Variants in ZNF692 observed in about 807,000 individuals in gnomAD.
The protein encoded by ZNF692 is AICAR responsive element binding protein.
A neutral mutation model predicts 49.0 loss-of-function variants in ZNF692; 41 were observed. The ratio of observed to expected loss-of-function variants is 0.84; its 90% CI spans 0.65 to 1.08. The LOEUF (loss-of-function observed/expected upper bound fraction) is 1.08, where lower values mean the gene tolerates loss of function less well. Ranked by LOEUF, ZNF692 falls within the 50% of genes least tolerant of loss-of-function variation. The pLI is 0.00. For synonymous variants in ZNF692, 288 were observed against 251.5 expected, an observed-to-expected ratio of 1.15 and a Z score of -1.37; for missense variants, 662 against 662.2, an observed-to-expected ratio of 1.00 and a Z score of 0.00.
rs1041830836 is a variant in ZNF692 at position 248,853,149 on chromosome 1, C to G, written c.1153+788G>C. On this transcript the variant is annotated intron_variant, in intron 10 of 11. Transcript: ENST00000306601. The stretch of plus-strand genomic sequence containing the variant: ...CCAACCCATCCTTCCCACGGCAGCT[C>G]GTTTGGCTCCATCTGCACACACACT... Among the ~76,000 whole-genome samples the G allele has an allele frequency of 2.6e-5, 4 of 152,164 alleles. No individual in the cohort carries two copies. The South Asian group carries it at 8.3e-4, about 31-fold the overall frequency.
At chr1:248,852,794 T>C (rs1176422074) in intron 10 of ZNF692, among the ~76,000 whole-genome samples, 1 of 152,130 alleles carries the variant, frequency 6.6e-6, no homozygotes, top group African/African-American at 2.4e-5. Flanking sequence ...ACCACTCTCT[T>C]CATCTTCCTC....
chr1:248,858,431 C>T lies in ZNF692; in HGVS notation c.-12-110G>A. On this transcript the variant is annotated intron_variant, in intron 1 of 11. Transcript: ENST00000306601. This position sits in a 1 kb window ranked among gnomAD's most constrained non-coding sequence, Gnocchi z 4.3. The stretch of plus-strand genomic sequence containing the variant: ...TCCTCATCAGTGAACTGGGGCAAGA[C>T]TAAACTATTTCAATAGCAGTGGCAG... 1 of 1,551,296 alleles carries T rather than the reference C, an allele frequency of 6.4e-7. No individual in the cohort carries two copies. The highest frequency in any genetic ancestry group is 8.7e-7 in the Non-Finnish European group (1 of 1,146,602).
rs1211923238 is a variant in ZNF692 at position 248,856,514 on chromosome 1, C to G, written c.524G>C (p.Arg175Thr). ...DERTQEARLP[R>T]RVGPPPETFP... The stretch of plus-strand genomic sequence containing the variant: ...TTTTCTCTCCTATCCACATCCTCAC[C>G]TGGGCAACCTGGCCTCTTGAGTCCT... The change falls in exon 5 of 12, where the codon AGG becomes ACG. Residue 175 changes from arginine to threonine, a missense_variant and splice_region_variant. Coordinates refer to ENST00000306601, the MANE Select transcript of ZNF692 (RefSeq NM_017865.4). 1 of 1,614,232 alleles carries G rather than the reference C, an allele frequency of 6.2e-7. No homozygotes were observed. The highest frequency in any genetic ancestry group is 8.5e-7 in the Non-Finnish European group (1 of 1,180,052).
In ZNF692 at chr1:248,858,380, C is replaced by T; in HGVS notation, c.-12-59G>A. On this transcript the variant is annotated intron_variant, in intron 1 of 11. Coordinates refer to ENST00000306601, the MANE Select transcript of ZNF692 (RefSeq NM_017865.4). The surrounding 1 kb of genome is among the most constrained non-coding windows in gnomAD (Gnocchi z 4.3). ...CCGATCTCGGGGGTCGGGGACCCGG[C>T]TCCACCTGCCGTTAGGGCCTCAGTT... 2 of 1,531,856 alleles carry T rather than the reference C, an allele frequency of 1.3e-6. No homozygotes were observed. Among genetic ancestry groups the T allele is most frequent in the Non-Finnish European group, 1.8e-6 (2 of 1,133,836 alleles). The allele number at this position is 1,531,856 out of a possible 1,614,324, so 94.9% of individuals were successfully genotyped here.
Position 248,858,547 on chromosome 1 carries a change from G to T in ZNF692, c.-12-226C>A, listed in dbSNP as rs1234029397. On this transcript the variant is annotated intron_variant, in intron 1 of 11. Coordinates refer to ENST00000306601, the MANE Select transcript of ZNF692 (RefSeq NM_017865.4). This position sits in a 1 kb window ranked among gnomAD's most constrained non-coding sequence, Gnocchi z 4.3. ...TCGTCGGGTGGGAGGCAGGCAGACA[G>T]AAGCAGTCAGAACAAAGGCCTGCGC... 1.9e-6 allele frequency: 3 copies of T among 1,551,632 alleles called. No individual in the cohort carries two copies. In the African/African-American group the frequency reaches 4.1e-5, roughly 21 times the overall value.
At position 248,850,522 on chromosome 1, in the gene ZNF692, G is replaced by C. The variant is rs1659434552; in HGVS notation, c.1254-6C>G. The C allele has an allele frequency of 3.7e-6, 6 of 1,600,984 alleles. No individual in the cohort carries two copies. In the African/African-American group the frequency reaches 8.0e-5, roughly 21 times the overall value. ...TAAACCCGCATATCTCACACCTGGA[G>C]TCAGGGACAGAAGAGGGAAGGAACA... On this transcript the variant is annotated splice_polypyrimidine_tract_variant and splice_region_variant and intron_variant, in intron 11 of 11. Transcript: ENST00000306601.
chr1:248,858,244 C>T lies in ZNF692; in HGVS notation c.66G>A (p.Ala22=). The T allele has an allele frequency of 1.3e-6, 2 of 1,586,392 alleles. No individual in the cohort carries two copies. Among genetic ancestry groups the T allele is most frequent in the Non-Finnish European group, 1.7e-6 (2 of 1,166,408 alleles). ...GGCGGATGCGGCACTTGCTGCGGCG[C>T]GCGTCCAGCTGCCGCCGCTTCTCCC... ...RRREKRRQLD[A]RRSKCRIRLG... Residue 22 remains alanine (A), a synonymous_variant, in exon 2 of 12, where the codon GCG becomes GCA. Transcript: ENST00000306601. The surrounding 1 kb of genome is among the most constrained non-coding windows in gnomAD (Gnocchi z 4.3).
chr1:248,855,720 G>T lies in ZNF692; in HGVS notation c.881+5C>A. ...CTGCCCTTTCTGTCTCAGCCATCAG[G>T]TTACCTGGCCAGGGCCTCAGTCTGC... On this transcript the variant is annotated splice_donor_5th_base_variant and intron_variant, in intron 7 of 11. Transcript: ENST00000306601. The T allele has an allele frequency of 6.2e-7, 1 of 1,614,218 alleles. No individual in the cohort carries two copies. The highest frequency in any genetic ancestry group is 8.5e-7 in the Non-Finnish European group (1 of 1,180,044).
At chr1:248,850,933 C>T in intron 10 of ZNF692, 152 bp from the exon 11 acceptor site, 1 of 745,018 alleles carries the variant, frequency 1.3e-6, no homozygotes, top group Non-Finnish European at 2.4e-6. Context: ...TGGAGCCCGT[C>T]TGGACCTCCC....
rs1386164523 is a variant in ZNF692, at chr1:248,850,375, G to A, written c.1395C>T (p.Ala465=). Residue 465 remains alanine (A), a synonymous_variant, in exon 12 of 12, where the codon GCC becomes GCT. Transcript: ENST00000306601. ...KRFEKPDSVA[A]HRSKSHPALL... ...GGGCTGGGTGACTTTTGCTACGGTG[G>A]GCTGCAACACTGTCTGGCTTCTCAA... The A allele has an allele frequency of 2.5e-6, 4 of 1,614,116 alleles. No individual in the cohort carries two copies. Among genetic ancestry groups the A allele is most frequent in the Non-Finnish European group, 3.4e-6 (4 of 1,180,030 alleles).
At chr1:248,854,686 G>C (rs756935343) in intron 9 of ZNF692, among the ~76,000 whole-genome samples, 1 of 151,816 alleles carries the variant, frequency 6.6e-6, no homozygotes, top group Admixed American at 6.6e-5. Flanking sequence ...AAATTGCATG[G>C]GCTGTCCCCT....
Position 248,855,921 on chromosome 1 carries a change from G to A in ZNF692, c.685C>T (p.Leu229=), listed in dbSNP as rs1447469458. ...GGTGTGCAGGTGACAGGGGAAGGCA[G>A]TAGTCTGGGGGCATCAGGCTCACTA... is the stretch of plus-strand genomic sequence containing the variant. ...DDSEPDAPRL[L]PSPVTCTPKE... is the part of the protein sequence containing the mutation. Residue 229 remains leucine, a synonymous_variant, in exon 7 of 12, where the codon CTG becomes TTG. Coordinates refer to ENST00000306601, the MANE Select transcript of ZNF692 (RefSeq NM_017865.4). 8.7e-6 allele frequency: 14 copies of A among 1,613,988 alleles called. No individual in the cohort carries two copies. The highest frequency in any genetic ancestry group is 1.0e-5 in the Non-Finnish European group (12 of 1,180,032).
Position 248,850,583 on chromosome 1 carries a change from C to T in ZNF692, c.1254-67G>A, listed in dbSNP as rs1416857566. The T allele has an allele frequency of 3.1e-6, 5 of 1,592,456 alleles. No homozygotes were observed. In the Middle Eastern group the frequency reaches 6.1e-4, roughly 195 times the overall value. ...CCATCATGACTTCCCTAGGGGGTTC[C>T]TCCTGCTCCCCACTGCCTAGGTGTC... On this transcript the variant is annotated intron_variant, in intron 11 of 11. Transcript: ENST00000306601.
In ZNF692 at chr1:248,850,129, A is replaced by T. The variant is rs1452419750; in HGVS notation, c.*81T>A. 1 of 1,464,998 alleles carries T rather than the reference A, an allele frequency of 6.8e-7. No homozygotes were observed. 90.7% of individuals were successfully genotyped at this position (1,464,998 alleles called of 1,614,324 possible). On this transcript the variant is annotated 3_prime_UTR_variant, in exon 12 of 12. Coordinates refer to ENST00000306601, the MANE Select transcript of ZNF692 (RefSeq NM_017865.4). The stretch of plus-strand genomic sequence containing the variant: ...AGTTCCTGGGGACCAAGCATCTGGC[A>T]TTTCTCAAGCAGACCCTCTCCTTGT...
At position 248,858,786 on chromosome 1, in the gene ZNF692, AGGGCGCCCCCCATCCACCCCGTCTT is replaced by A. The variant is rs1202584344; in HGVS notation, c.-13+107_-13+131del. 1.7e-6 allele frequency: 1 copy of A among 594,588 alleles called. No homozygotes were observed. Among genetic ancestry groups the A allele is most frequent in the East Asian group, 2.8e-5 (1 of 35,334 alleles). The allele number at this position is 594,588 out of a possible 1,614,324, so 36.8% of individuals were successfully genotyped here. On this transcript the variant is annotated intron_variant, in intron 1 of 11. Transcript: ENST00000306601. This position sits in a 1 kb window ranked among gnomAD's most constrained non-coding sequence, Gnocchi z 4.3. Reference sequence around the variant, plus strand: ...GGTGAGGCCGTGGTCAGAGGTCTGGAGGGCGCCCCCCATCCACCCCGTCTTGGGCACCCCCACTTAATGCTGACAG... The same window carrying A: ...GGTGAGGCCGTGGTCAGAGGTCTGGAGGGCACCCCCACTTAATGCTGACAG...
chr1:248,853,719 C>T (rs1469876118), intron 10 of ZNF692, among the ~76,000 whole-genome samples: 1 of 152,164 alleles, frequency 6.6e-6, no homozygotes, highest in East Asian at 1.9e-4. Context: ...TTGCTGTACC[C>T]AGTACCCAAA....
chr1:248,855,471 A>G lies in ZNF692; in HGVS notation c.960-13T>C. Reference sequence around the variant, plus strand: ...TTTGGCAGCTTTCCTGAGGAGAAGAATGGAAAGGAGCAGCATGACTCCTGC... The same window carrying G: ...TTTGGCAGCTTTCCTGAGGAGAAGAGTGGAAAGGAGCAGCATGACTCCTGC... On this transcript the variant is annotated splice_polypyrimidine_tract_variant and intron_variant, in intron 8 of 11. Transcript: ENST00000306601. The G allele has an allele frequency of 6.2e-7, 1 of 1,614,078 alleles. No individual in the cohort carries two copies. Among genetic ancestry groups the G allele is most frequent in the Non-Finnish European group, 8.5e-7 (1 of 1,179,970 alleles).
chr1:248,851,581 GC>G, intron 10 of ZNF692, among the ~76,000 whole-genome samples: 1 of 147,752 alleles, frequency 6.8e-6, no homozygotes, highest in East Asian at 2.0e-4. Context: ...TCCTCCTTTG[GC>G]CCCATCACTC....
Position 248,858,508 on chromosome 1 carries a change from C to T in ZNF692, c.-12-187G>A, listed in dbSNP as rs79943082. 2,970 of 1,551,732 alleles carry T rather than the reference C, an allele frequency of 1.9e-3. 37 individuals are homozygous for T. In the African/African-American group the frequency reaches 0.028, roughly 14 times the overall value. The stretch of plus-strand genomic sequence containing the variant: ...TGATACAGGGTGTTGAAGCTCAGCG[C>T]TACCATGTGAGTGTCGTCGGGTGGG... On this transcript the variant is annotated intron_variant, in intron 1 of 11. Coordinates refer to ENST00000306601, the MANE Select transcript of ZNF692 (RefSeq NM_017865.4). The surrounding 1 kb of genome is among the most constrained non-coding windows in gnomAD (Gnocchi z 4.3).
Sources: allele counts gnomAD v4.1 joint callset (sites outside exome capture counted in the v4.1 genomes callset), GRCh38; gene constraint gnomAD v4.1.1; non-coding constraint Gnocchi (gnomAD v3.1); transcripts MANE v1.5; gene names NCBI Gene and HGNC (gene_info 2026-07-23, HGNC 2026-07-21).